The following DEUP1 variants were observed in gnomAD, a reference collection of about 807,000 sequenced individuals.
DEUP1 encodes the protein deuterosome assembly protein 1, also known as coiled-coil domain containing 67.
A neutral mutation model predicts 87.4 loss-of-function variants in DEUP1; 82 were observed. The observed-to-expected ratio is 0.94, with a 90% confidence interval of 0.78 to 1.13. The LOEUF (loss-of-function observed/expected upper bound fraction) is 1.13. Among genes scored for constraint, DEUP1 ranks in the 50% most tolerant of loss-of-function variants. DEUP1 has a pLI of 0.00. For missense variants in DEUP1, 663 were observed against 681.5 expected (o/e 0.97, Z 0.30); for synonymous variants, 214 against 222.7 (o/e 0.96, Z 0.35).
chr11:93,355,586 T>C (rs1944857128), intron 3 of DEUP1, 44 bp downstream of exon 3: 2 of 1,498,422 alleles, frequency 1.3e-6, no homozygotes, highest in Non-Finnish European at 9.1e-7. Context: ...CATCAGACTG[T>C]TACATATAGT....
At chr11:93,370,241 CT>C in intron 6 of DEUP1, 55 bp downstream of exon 6, 1 of 917,048 alleles carries the variant, frequency 1.1e-6, no homozygotes, top group South Asian at 1.5e-5. Flanking sequence ...ATATTGGTAT[CT>C]TTACCATTCA....
rs192858325 is a variant in DEUP1, at chr11:93,350,454, T to C, written c.30-4917T>C. ...AAAACACATTACTGTCTAGCTACAA[T>C]CTCAGACAGTAGTTACCTGTTAAGA... On this transcript the variant is annotated intron_variant, in intron 2 of 13. Transcript: ENST00000298050. Among the ~76,000 whole-genome samples, 8 of 152,290 alleles carry C rather than the reference T, an allele frequency of 5.3e-5. No homozygotes were observed. In the East Asian group the frequency reaches 1.5e-3, roughly 29 times the overall value.
At chr11:93,391,833 T>C (rs1319860122) in intron 9 of DEUP1, among the ~76,000 whole-genome samples, 1 of 152,122 alleles carries the variant, frequency 6.6e-6, no homozygotes, top group Non-Finnish European at 1.5e-5. Context: ...ATCAAATAAA[T>C]TGGAAGGTAA....
intron 2 of DEUP1, among the ~76,000 whole-genome samples, chr11:93,342,846 CTGT>C (rs1272678375): frequency 6.6e-6 from 1 of 152,144 alleles, no homozygotes; most frequent in African/African-American, 2.4e-5. Context: ...GTAGGACTTA[CTGT>C]TGTTGTGGGA....
chr11:93,373,553 T>C (rs1183099729), intron 7 of DEUP1, among the ~76,000 whole-genome samples: 2 of 148,426 alleles, frequency 1.3e-5, no homozygotes, highest in Non-Finnish European at 3.0e-5. Flanking sequence ...TGTTTCTTTC[T>C]ATGGCTGTGT....
chr11:93,409,479 C>G (rs1321558677), intron 12 of DEUP1, among the ~76,000 whole-genome samples: 1 of 152,162 alleles, frequency 6.6e-6, no homozygotes, highest in Admixed American at 6.5e-5. Flanking sequence ...CAATATTTCT[C>G]AGAGCCATTA....
intron 2 of DEUP1, among the ~76,000 whole-genome samples, chr11:93,341,923 T>A (rs1944100268): frequency 6.6e-6 from 1 of 152,080 alleles, no homozygotes; most frequent in African/African-American, 2.4e-5. Context: ...CTCTCCAAGC[T>A]TCTGGTGACT....
At chr11:93,341,361 G>A (rs569485479) in intron 2 of DEUP1, among the ~76,000 whole-genome samples, 5 of 152,168 alleles carry the variant, frequency 3.3e-5, no homozygotes, top group East Asian at 1.9e-4. Flanking sequence ...ATTTTCTCTC[G>A]CCTCCGTCAT....
intron 13 of DEUP1, among the ~76,000 whole-genome samples, chr11:93,430,252 C>A (rs1948062066): frequency 6.6e-6 from 1 of 151,542 alleles, no homozygotes. Context: ...TATTGAGCAC[C>A]AACTATATGG....
In DEUP1 at chr11:93,389,213, C is replaced by T. The variant is rs1053505742; in HGVS notation, c.1041+88C>T. 5.4e-6 allele frequency: 4 copies of T among 735,022 alleles called. No individual in the cohort carries two copies. The Admixed American group carries it at 9.7e-5, about 18-fold the overall frequency. 45.5% of individuals were successfully genotyped at this position (735,022 alleles called of 1,614,324 possible). A position where few individuals can be genotyped will look rare whatever the true frequency, so the allele number is the denominator to read the frequency against. Reference sequence around the variant, plus strand: ...TTAAAAAAAAATCTTTCTTCTCACTCCCTTTGTTTTCCTTCTGTATTTTTT... The same window carrying T: ...TTAAAAAAAAATCTTTCTTCTCACTTCCTTTGTTTTCCTTCTGTATTTTTT... On this transcript the variant is annotated intron_variant, in intron 9 of 13. Coordinates refer to ENST00000298050, the MANE Select transcript of DEUP1 (RefSeq NM_181645.4).
chr11:93,386,608 A>C (rs1303595002), intron 8 of DEUP1, among the ~76,000 whole-genome samples: 1 of 152,222 alleles, frequency 6.6e-6, no homozygotes, highest in Non-Finnish European at 1.5e-5. Context: ...GAGACCTGCT[A>C]GCATTTCTTT....
intron 13 of DEUP1, among the ~76,000 whole-genome samples, chr11:93,437,092 C>A (rs952145758): frequency 1.3e-5 from 2 of 152,220 alleles, no homozygotes; most frequent in African/African-American, 4.8e-5. Context: ...AGCCCTCTCA[C>A]CTGGCTAACT....
At chr11:93,400,392 C>G (rs1324979838) in intron 11 of DEUP1, among the ~76,000 whole-genome samples, 3 of 149,262 alleles carry the variant, frequency 2.0e-5, no homozygotes, top group Non-Finnish European at 4.5e-5. Context: ...CAGCCCAATC[C>G]TCTGTCTTCA....
chr11:93,351,532 AAGG>A (rs1944628604), intron 2 of DEUP1, among the ~76,000 whole-genome samples: 1 of 152,228 alleles, frequency 6.6e-6, no homozygotes, highest in Admixed American at 6.5e-5. Flanking sequence ...TTTACAGTAC[AAGG>A]TGATACATGT....
chr11:93,344,848 C>CT lies in DEUP1; in HGVS notation c.30-10512dup, dbSNP rs59612948. 8.6e-3 allele frequency among the ~76,000 whole-genome samples: 1,221 copies of CT among 142,164 alleles called. 15 individuals carry two copies. Among genetic ancestry groups the CT allele is most frequent in the African/African-American group, 0.029 (1,112 of 38,928 alleles). The allele number at this position is 142,164 out of a possible 152,430, so 93.3% of individuals were successfully genotyped here. Reference sequence around the variant, plus strand: ...ATTATCCCCAAAGGCTGTAATTTTCCTTTTTTTTTTTAACTTTTTTTTTTT... The same window carrying CT: ...ATTATCCCCAAAGGCTGTAATTTTCCTTTTTTTTTTTTAACTTTTTTTTTTT... On this transcript the variant is annotated intron_variant, in intron 2 of 13. Coordinates refer to ENST00000298050, the MANE Select transcript of DEUP1 (RefSeq NM_181645.4).
chr11:93,408,552 G>A, intron 12 of DEUP1, 125 bp downstream of exon 12: 1 of 626,526 alleles, frequency 1.6e-6, no homozygotes, highest in Non-Finnish European at 2.7e-6. Context: ...TAATGATAAT[G>A]CAGTAGATGA....
chr11:93,416,033 A>G (rs1431160947), intron 13 of DEUP1, among the ~76,000 whole-genome samples: 1 of 152,168 alleles, frequency 6.6e-6, no homozygotes, highest in Non-Finnish European at 1.5e-5. Flanking sequence ...TACCGAGGTC[A>G]TAGGATATGA....
chr11:93,346,765 C>G (rs945424666), intron 2 of DEUP1, among the ~76,000 whole-genome samples: 1 of 152,134 alleles, frequency 6.6e-6, no homozygotes, highest in Non-Finnish European at 1.5e-5. Context: ...CCAGTTCCCT[C>G]GTGAGCTGTA....
intron 12 of DEUP1, among the ~76,000 whole-genome samples, chr11:93,412,930 CAAGAT>C (rs1216580007): frequency 6.6e-6 from 1 of 151,918 alleles, no homozygotes; most frequent in Admixed American, 6.6e-5. Context: ...AGATACATCT[CAAGAT>C]AAGCAAAAAT....
Sources: gnomAD v4.1 joint callset for allele counts (sites outside exome capture counted in the v4.1 genomes callset) on GRCh38, gnomAD v4.1.1 for gene constraint, MANE v1.5 for transcripts, NCBI Gene and HGNC (gene_info 2026-07-23, HGNC 2026-07-21) for gene names.